MAPK10: variants seen among roughly 807,000 people sequenced by gnomAD.
MAPK10 encodes mitogen-activated protein kinase 10.
In MAPK10, 25 loss-of-function variants were observed where a neutral mutation model predicts 59.3. The observed-to-expected ratio is 0.42, with a 90% CI of 0.31 to 0.59. The LOEUF (loss-of-function observed/expected upper bound fraction) is 0.59, where lower values mean the gene tolerates loss of function less well. MAPK10 is among the 20% of genes least tolerant of loss of function. The pLI is 0.15. For missense variants in MAPK10, 351 were observed against 568.9 expected (o/e 0.62, Z 3.90); for synonymous variants, 190 against 200.5 (o/e 0.95, Z 0.44).
At chr4:86,067,261 C>T (rs1345222136) in intron 10 of MAPK10, among the ~76,000 whole-genome samples, 1 of 152,166 alleles carries the variant, frequency 6.6e-6, no homozygotes, top group Non-Finnish European at 1.5e-5. Flanking sequence ...CCTGCCTCAG[C>T]CTCCTGAGTA....
At chr4:86,303,502 CAGAT>C (rs143859998) in intron 2 of MAPK10, among the ~76,000 whole-genome samples, 3,268 of 152,104 alleles carry the variant, frequency 0.021, 108 homozygotes, top group African/African-American at 0.073. Flanking sequence ...GAAAGACAGA[CAGAT>C]AGATAGATAA....
At chr4:86,093,946 TG>T (rs1561600780) in intron 9 of MAPK10, among the ~76,000 whole-genome samples, 2 of 152,050 alleles carry the variant, frequency 1.3e-5, no homozygotes, top group African/African-American at 4.8e-5. Flanking sequence ...CCTACTAAAT[TG>T]TTTCATCCTA....
chr4:86,205,627 G>A (rs1357274748), intron 2 of MAPK10, among the ~76,000 whole-genome samples: 1 of 151,724 alleles, frequency 6.6e-6, no homozygotes, highest in African/African-American at 2.4e-5. Flanking sequence ...ACCAAGTAGA[G>A]TTTATCCCAA....
At chr4:86,507,655 T>TATATATATATATATATACAC (rs1755887058) in intron 1 of MAPK10, among the ~76,000 whole-genome samples, 2 of 71,266 alleles carry the variant, frequency 2.8e-5, no homozygotes, top group Non-Finnish European at 5.8e-5. Context: ...TATATATATA[T>TATATATATATATATATACAC]ATATATATAT....
intron 2 of MAPK10, among the ~76,000 whole-genome samples, chr4:86,328,073 G>C (rs1157903350): frequency 6.6e-6 from 1 of 152,178 alleles, no homozygotes; most frequent in Non-Finnish European, 1.5e-5. Context: ...GGTCCTTGAA[G>C]AAGTGAGTAG....
intron 2 of MAPK10, chr4:86,321,836 T>A (rs559689736): frequency 6.6e-6 from 1 of 152,272 alleles, no homozygotes; most frequent in South Asian, 2.1e-4. Context: ...CTCTCATTTG[T>A]AACATACCTC....
At chr4:86,492,110 A>G (rs1351953421) in intron 1 of MAPK10, among the ~76,000 whole-genome samples, 2 of 152,234 alleles carry the variant, frequency 1.3e-5, no homozygotes, top group Non-Finnish European at 2.9e-5. Flanking sequence ...TGAAATGACT[A>G]AATTTGTTCT....
intron 1 of MAPK10, among the ~76,000 whole-genome samples, chr4:86,469,202 C>T (rs1028724018): frequency 8.6e-5 from 13 of 151,944 alleles, no homozygotes; most frequent in African/African-American, 1.9e-4. Flanking sequence ...GCCCTATGAT[C>T]GCACCACTGC....
At chr4:86,086,643 G>T (rs767696880) in intron 9 of MAPK10, among the ~76,000 whole-genome samples, 12 of 152,076 alleles carry the variant, frequency 7.9e-5, no homozygotes, top group Admixed American at 3.3e-4. Flanking sequence ...AGGATATATT[G>T]ACTAAAAATA....
intron 3 of MAPK10, among the ~76,000 whole-genome samples, chr4:86,168,656 G>A (rs1440197273): frequency 6.6e-6 from 1 of 152,148 alleles, no homozygotes; most frequent in Non-Finnish European, 1.5e-5. Flanking sequence ...CAAAAAGACA[G>A]CAGTAACCTC....
chr4:86,100,800 C>G, intron 8 of MAPK10: 1 of 362,418 alleles, frequency 2.8e-6, no homozygotes, highest in South Asian at 4.8e-5. Flanking sequence ...ACTGTTTAAT[C>G]AGACTCCATT....
intron 2 of MAPK10, among the ~76,000 whole-genome samples, chr4:86,226,203 T>C (rs1462236908): frequency 2.0e-5 from 3 of 152,232 alleles, no homozygotes; most frequent in Non-Finnish European, 2.9e-5. Flanking sequence ...CATGATTTTA[T>C]AGAACATAAA....
At chr4:86,400,856 C>T (rs1743616386) in intron 1 of MAPK10, among the ~76,000 whole-genome samples, 1 of 151,980 alleles carries the variant, frequency 6.6e-6, no homozygotes, top group Non-Finnish European at 1.5e-5. Context: ...CAGTGAAATA[C>T]AAGTATGCCA....
intron 2 of MAPK10, among the ~76,000 whole-genome samples, chr4:86,313,796 T>C (rs2095717897): frequency 6.6e-6 from 1 of 152,144 alleles, no homozygotes; most frequent in South Asian, 2.1e-4. Flanking sequence ...GAACACTGTA[T>C]AGCAGTATCT....
At chr4:86,382,838 G>C (rs1455162913) in intron 1 of MAPK10, among the ~76,000 whole-genome samples, 1 of 152,186 alleles carries the variant, frequency 6.6e-6, no homozygotes, top group Non-Finnish European at 1.5e-5. Context: ...CAACGTGACA[G>C]GCAGTGGAGT....
intron 11 of MAPK10, among the ~76,000 whole-genome samples, chr4:86,038,910 T>C (rs551503772): frequency 6.6e-6 from 1 of 152,346 alleles, no homozygotes; most frequent in African/African-American, 2.4e-5. Context: ...TACTATGCAT[T>C]AAGCAATGAC....
At chr4:86,357,805 C>T (rs1735293888) in intron 1 of MAPK10, 1 of 152,256 alleles carries the variant, frequency 6.6e-6, no homozygotes. Flanking sequence ...TTCTTACTGC[C>T]TCACTATCCA....
At chr4:86,350,377 G>A (rs1220122441) in intron 2 of MAPK10, among the ~76,000 whole-genome samples, 1 of 152,176 alleles carries the variant, frequency 6.6e-6, no homozygotes, top group Non-Finnish European at 1.5e-5. Context: ...ACCATGCCCA[G>A]CTAATTTTTT....
At chr4:86,207,564 T>C (rs1268762404) in intron 2 of MAPK10, among the ~76,000 whole-genome samples, 2 of 152,124 alleles carry the variant, frequency 1.3e-5, no homozygotes, top group African/African-American at 4.8e-5. Flanking sequence ...TTTAAAGTAG[T>C]TTTTTCCAAT....
Sources: gnomAD v4.1 joint callset for allele counts (sites outside exome capture counted in the v4.1 genomes callset) on GRCh38, gnomAD v4.1.1 for gene constraint, MANE v1.5 for transcripts, NCBI Gene and HGNC (gene_info 2026-07-23, HGNC 2026-07-21) for gene names.